HS3ST2: variants seen among roughly 807,000 people sequenced by gnomAD.
HS3ST2 encodes the protein heparan sulfate-glucosamine 3-sulfotransferase 2.
HS3ST2 carries 17 observed loss-of-function variants against 26.3 expected under a neutral mutation model. That is an observed-to-expected ratio of 0.65 (90% CI 0.44 to 0.97). HS3ST2 has a LOEUF of 0.97. Ranked by LOEUF, HS3ST2 falls within the 50% of genes least tolerant of loss-of-function variation. The pLI, the probability that HS3ST2 is intolerant of heterozygous loss-of-function variation, is 0.00. For synonymous variants in HS3ST2, 237 were observed against 219.2 expected (o/e 1.08, Z -0.72); for missense variants, 402 against 501.2 (o/e 0.80, Z 1.89).
intron 1 of HS3ST2, among the ~76,000 whole-genome samples, chr16:22,902,472 T>G (rs1438875343): frequency 6.6e-6 from 1 of 152,232 alleles, no homozygotes; most frequent in Non-Finnish European, 1.5e-5. Flanking sequence ...TATGCAGGTG[T>G]CCTTGGGAGA....
Position 22,904,545 on chromosome 16 carries a change from A to T in HS3ST2, c.486-10399A>T, listed in dbSNP as rs547683630. On this transcript the variant is annotated intron_variant, in intron 1 of 1. Transcript: ENST00000261374. ...CCAGGAAGGGAGAAATAATAAGGGCACAGTCAGGGAAGGCTTTATGGTGGA... is the reference window on the plus strand; with the variant it reads ...CCAGGAAGGGAGAAATAATAAGGGCTCAGTCAGGGAAGGCTTTATGGTGGA... 2.8e-4 allele frequency among the ~76,000 whole-genome samples: 42 copies of T among 152,338 alleles called. No homozygotes were observed. In the South Asian group the frequency reaches 2.9e-3, roughly 11 times the overall value.
At chr16:22,830,908 T>C (rs2141178211) in intron 1 of HS3ST2, among the ~76,000 whole-genome samples, 1 of 152,338 alleles carries the variant, frequency 6.6e-6, no homozygotes, top group South Asian at 2.1e-4. Context: ...AAACTTTATA[T>C]CACCATCCTA....
chr16:22,852,264 A>G (rs1901528704), intron 1 of HS3ST2, among the ~76,000 whole-genome samples: 2 of 152,206 alleles, frequency 1.3e-5, no homozygotes, highest in Non-Finnish European at 2.9e-5. Context: ...ATGAGCTCCT[A>G]GTGTAGACAC....
chr16:22,898,715 C>T (rs923748133), intron 1 of HS3ST2, among the ~76,000 whole-genome samples: 3 of 152,170 alleles, frequency 2.0e-5, no homozygotes, highest in African/African-American at 4.8e-5. Flanking sequence ...AGGCTTTGAA[C>T]CTGCAGGAGT....
intron 1 of HS3ST2, among the ~76,000 whole-genome samples, chr16:22,833,987 T>A (rs1004983607): frequency 6.6e-6 from 1 of 152,018 alleles, no homozygotes; most frequent in Non-Finnish European, 1.5e-5. Flanking sequence ...TTATCTTTTG[T>A]ATAAAGGGAG....
chr16:22,880,919 C>T (rs888150948), intron 1 of HS3ST2, among the ~76,000 whole-genome samples: 31 of 152,310 alleles, frequency 2.0e-4, no homozygotes, highest in African/African-American at 7.2e-4. Flanking sequence ...ACAGCAGAGT[C>T]GAGTGATGGA....
chr16:22,814,616 C>CT lies in HS3ST2; in HGVS notation c.7dup (p.Tyr3LeufsTer2). ...CGGCGCGGGCCCATGGAGCCATGGCCTATAGGGTCCTGGGCCGCGCGGGGC... is the reference window on the plus strand; with the variant it reads ...CGGCGCGGGCCCATGGAGCCATGGCCTTATAGGGTCCTGGGCCGCGCGGGGC... On this transcript the variant is annotated frameshift_variant, in exon 1 of 2. Transcript: ENST00000261374. LOFTEE classifies it high-confidence loss of function. 6.5e-7 allele frequency: 1 copy of CT among 1,543,970 alleles called. No homozygotes were observed. The highest frequency in any genetic ancestry group is 8.7e-7 in the Non-Finnish European group (1 of 1,145,990).
chr16:22,868,830 T>C (rs1053933828), intron 1 of HS3ST2, among the ~76,000 whole-genome samples: 1 of 152,096 alleles, frequency 6.6e-6, no homozygotes, highest in Non-Finnish European at 1.5e-5. Flanking sequence ...CTTTTCCTAA[T>C]TGAATAAAAC....
Position 22,842,062 on chromosome 16 carries a change from C to CT in HS3ST2, c.485+26986dup, listed in dbSNP as rs11285807. ...TGTAATTTCTTTTTTTCTTTTCTTT[C>CT]TTTTTTTTTTTTTTTTTTTGAGACA... On this transcript the variant is annotated intron_variant, in intron 1 of 1. Coordinates refer to ENST00000261374, the MANE Select transcript of HS3ST2 (RefSeq NM_006043.2). Among the ~76,000 whole-genome samples, 651 of 111,752 alleles carry CT rather than the reference C, an allele frequency of 5.8e-3. 6 individuals are homozygous for CT. Among genetic ancestry groups the CT allele is most frequent in the Non-Finnish European group, 7.5e-3 (431 of 57,092 alleles). 73.3% of individuals were successfully genotyped at this position (111,752 alleles called of 152,430 possible).
At chr16:22,850,598 C>A (rs982131100) in intron 1 of HS3ST2, among the ~76,000 whole-genome samples, 3 of 152,026 alleles carry the variant, frequency 2.0e-5, no homozygotes, top group Non-Finnish European at 4.4e-5. Context: ...ATCAGCCTGG[C>A]CAACATGGTG....
At chr16:22,882,586 T>C (rs1303132060) in intron 1 of HS3ST2, among the ~76,000 whole-genome samples, 1 of 151,958 alleles carries the variant, frequency 6.6e-6, no homozygotes, top group African/African-American at 2.4e-5. Context: ...ATAAAAAAAT[T>C]AGCCGGGCAT....
chr16:22,904,439 G>A (rs766408436), intron 1 of HS3ST2, among the ~76,000 whole-genome samples: 4 of 152,154 alleles, frequency 2.6e-5, no homozygotes, highest in Non-Finnish European at 5.9e-5. Context: ...AGGGATGATA[G>A]ACTCAGATAA....
intron 1 of HS3ST2, among the ~76,000 whole-genome samples, chr16:22,868,769 C>T (rs938251654): frequency 2.6e-5 from 4 of 152,150 alleles, no homozygotes; most frequent in Non-Finnish European, 5.9e-5. Context: ...GCCTGTTTAA[C>T]TACTAGTCCT....
chr16:22,842,360 G>T (rs1419382088), intron 1 of HS3ST2, among the ~76,000 whole-genome samples: 2 of 152,060 alleles, frequency 1.3e-5, no homozygotes, highest in African/African-American at 4.8e-5. Context: ...ACTGTGTCCA[G>T]CTGGAGTACT....
At chr16:22,850,642 C>T (rs1175146159) in intron 1 of HS3ST2, among the ~76,000 whole-genome samples, 5 of 152,070 alleles carry the variant, frequency 3.3e-5, no homozygotes, top group East Asian at 1.9e-4. Flanking sequence ...CAAAAATTAG[C>T]GAGGTGTGGT....
chr16:22,890,789 A>G (rs1902116679), intron 1 of HS3ST2, among the ~76,000 whole-genome samples: 1 of 152,220 alleles, frequency 6.6e-6, no homozygotes, highest in African/African-American at 2.4e-5. Context: ...AGGTTTAACC[A>G]CCAAACTCTT....
At chr16:22,886,451 GC>G (rs1458277906) in intron 1 of HS3ST2, among the ~76,000 whole-genome samples, 1 of 152,188 alleles carries the variant, frequency 6.6e-6, no homozygotes, top group Non-Finnish European at 1.5e-5. Context: ...CAGGGATGCT[GC>G]CGGCCTCACG....
chr16:22,875,326 C>T (rs907719856), intron 1 of HS3ST2, among the ~76,000 whole-genome samples: 1 of 152,014 alleles, frequency 6.6e-6, no homozygotes, highest in African/African-American at 2.4e-5. Flanking sequence ...AGCTCAGATT[C>T]ACTCACACAC....
rs74516395 is a variant in HS3ST2 at position 22,831,690 on chromosome 16, T to A, written c.485+16595T>A. Among the ~76,000 whole-genome samples the A allele has an allele frequency of 5.8e-3, 883 of 152,298 alleles. 7 individuals are homozygous for A. Among genetic ancestry groups the A allele is most frequent in the Middle Eastern group, 0.024 (7 of 294 alleles). ...ACTTGGATGAATCTCAAAGGCATTA[T>A]GCCTAGTGAAGAAAGGTTATGCACT... On this transcript the variant is annotated intron_variant, in intron 1 of 1. Transcript: ENST00000261374.
Sources: allele counts gnomAD v4.1 joint callset (sites outside exome capture counted in the v4.1 genomes callset), GRCh38; gene constraint gnomAD v4.1.1; transcripts MANE v1.5; gene names NCBI Gene and HGNC (gene_info 2026-07-23, HGNC 2026-07-21).